The following EXOC6B variants were observed in gnomAD, a reference collection of about 807,000 sequenced individuals.
The protein encoded by EXOC6B is SEC15 homolog B.
EXOC6B carries 54 observed loss-of-function variants against 113.5 expected under a neutral mutation model. That is an observed-to-expected ratio of 0.48 (90% CI 0.38 to 0.60). The LOEUF is 0.60. Ranked by LOEUF, EXOC6B falls within the 20% of genes least tolerant of loss-of-function variation. The pLI is 0.00. For missense variants in EXOC6B, 797 were observed against 977.5 expected (o/e 0.82, Z 2.46); for synonymous variants, 357 against 339.0 (o/e 1.05, Z -0.58).
At chr2:72,321,830 T>TA (rs909882810) in intron 20 of EXOC6B, among the ~76,000 whole-genome samples, 4 of 152,090 alleles carry the variant, frequency 2.6e-5, no homozygotes, top group East Asian at 1.9e-4. Flanking sequence ...TGTAAGTTTG[T>TA]AAAAAAATTT....
intron 20 of EXOC6B, among the ~76,000 whole-genome samples, chr2:72,266,414 C>T (rs1573128591): frequency 6.7e-6 from 1 of 150,322 alleles, no homozygotes. Context: ...TTTAATCCAT[C>T]TTGAATTAAT....
chr2:72,499,533 A>ATTTT (rs34288011), intron 12 of EXOC6B, among the ~76,000 whole-genome samples: 1 of 138,354 alleles, frequency 7.2e-6, no homozygotes, highest in African/African-American at 2.7e-5. Context: ...ACCCAGTCAG[A>ATTTT]TTTTTTTTTT....
At chr2:72,370,867 T>G (rs1284982517) in intron 19 of EXOC6B, among the ~76,000 whole-genome samples, 11 of 119,956 alleles carry the variant, frequency 9.2e-5, no homozygotes, top group African/African-American at 1.7e-4. Flanking sequence ...TGTTGTGGGG[T>G]GATGGGAGGG....
intron 18 of EXOC6B, among the ~76,000 whole-genome samples, chr2:72,433,034 T>C (rs1385314181): frequency 6.6e-6 from 1 of 152,220 alleles, no homozygotes; most frequent in South Asian, 2.1e-4. Context: ...ACAGTTTTTA[T>C]GATTTATGTC....
At chr2:72,768,921 T>C (rs2104937358) in intron 1 of EXOC6B, among the ~76,000 whole-genome samples, 1 of 152,136 alleles carries the variant, frequency 6.6e-6, no homozygotes, top group East Asian at 1.9e-4. Context: ...AAGACCAGCC[T>C]GGGCAACAAA....
intron 8 of EXOC6B, among the ~76,000 whole-genome samples, chr2:72,546,299 A>G (rs922943763): frequency 3.9e-5 from 6 of 152,108 alleles, no homozygotes; most frequent in Non-Finnish European, 5.9e-5. Context: ...ATATACAAAA[A>G]CTAGCCAGAC....
chr2:72,656,881 C>T (rs760599394), intron 6 of EXOC6B, among the ~76,000 whole-genome samples: 15 of 152,028 alleles, frequency 9.9e-5, no homozygotes, highest in Non-Finnish European at 1.6e-4. Flanking sequence ...GACGGAGTTT[C>T]GCTCTTGTTG....
At chr2:72,490,581 CCAT>C (rs1216078389) in intron 16 of EXOC6B, among the ~76,000 whole-genome samples, 3 of 152,060 alleles carry the variant, frequency 2.0e-5, no homozygotes, top group South Asian at 2.1e-4. Context: ...GTACACACCA[CCAT>C]AATAGCCAAA....
At chr2:72,363,738 G>C (rs909878504) in intron 19 of EXOC6B, among the ~76,000 whole-genome samples, 1 of 151,846 alleles carries the variant, frequency 6.6e-6, no homozygotes, top group Non-Finnish European at 1.5e-5. Context: ...TCTTTATATT[G>C]TTCAGTACTA....
At chr2:72,492,218 A>C in intron 16 of EXOC6B, 100 bp downstream of exon 16, 1 of 538,170 alleles carries the variant, frequency 1.9e-6, no homozygotes, top group Non-Finnish European at 3.3e-6. Context: ...CCTATCAGGA[A>C]GAGCATGTAG....
chr2:72,556,751 A>T (rs1040701026), intron 8 of EXOC6B, among the ~76,000 whole-genome samples: 2 of 37,386 alleles, frequency 5.3e-5, no homozygotes, highest in African/African-American at 6.7e-5. Flanking sequence ...GAGGTATTTT[A>T]AAAAAAAACT....
At chr2:72,530,485 T>C (rs962171055) in intron 8 of EXOC6B, among the ~76,000 whole-genome samples, 2 of 152,140 alleles carry the variant, frequency 1.3e-5, no homozygotes, top group African/African-American at 4.8e-5. Context: ...TTTGTTGAGG[T>C]CTGTTTGGCC....
At chr2:72,426,427 T>C (rs1558655841) in intron 18 of EXOC6B, among the ~76,000 whole-genome samples, 2 of 152,232 alleles carry the variant, frequency 1.3e-5, no homozygotes, top group Non-Finnish European at 1.5e-5. Context: ...TTATTTGCCT[T>C]TGTATTTTCA....
At chr2:72,816,839 G>A (rs1049090255) in intron 1 of EXOC6B, among the ~76,000 whole-genome samples, 23 of 152,176 alleles carry the variant, frequency 1.5e-4, no homozygotes, top group African/African-American at 5.6e-4. Flanking sequence ...TAACAAATCA[G>A]CATAACCTCC....
At chr2:72,472,217 T>C (rs182449026) in intron 17 of EXOC6B, among the ~76,000 whole-genome samples, 1 of 152,186 alleles carries the variant, frequency 6.6e-6, no homozygotes, top group African/African-American at 2.4e-5. Context: ...ATCAGGGTAA[T>C]GCTAGGCTTA....
chr2:72,724,366 T>A (rs372277537), intron 5 of EXOC6B, among the ~76,000 whole-genome samples: 16 of 152,234 alleles, frequency 1.1e-4, no homozygotes, highest in African/African-American at 3.1e-4. Context: ...TCTTACTTAG[T>A]AAAGCTGAAC....
chr2:72,423,113 C>T (rs1694999007), intron 18 of EXOC6B, among the ~76,000 whole-genome samples: 2 of 152,166 alleles, frequency 1.3e-5, no homozygotes, highest in Admixed American at 1.3e-4. Context: ...TCTGCAGCTT[C>T]ACTCCTGAGC....
chr2:72,539,432 G>T (rs1702469130), intron 8 of EXOC6B, among the ~76,000 whole-genome samples: 1 of 152,132 alleles, frequency 6.6e-6, no homozygotes, highest in African/African-American at 2.4e-5. Flanking sequence ...AACCACATTT[G>T]ACCTAAACTG....
intron 20 of EXOC6B, among the ~76,000 whole-genome samples, chr2:72,245,754 A>G (rs1420854484): frequency 1.3e-5 from 2 of 152,330 alleles, no homozygotes; most frequent in East Asian, 3.9e-4. Flanking sequence ...CACAGAATGT[A>G]CAATACAAAG....
Sources: gnomAD v4.1 joint callset for allele counts (sites outside exome capture counted in the v4.1 genomes callset) on GRCh38, gnomAD v4.1.1 for gene constraint, MANE v1.5 for transcripts, NCBI Gene and HGNC (gene_info 2026-07-23, HGNC 2026-07-21) for gene names.